The following PRKN variants were observed in gnomAD, a reference collection of about 807,000 sequenced individuals.
PRKN encodes parkin RBR E3 ubiquitin protein ligase, also known as E3 ubiquitin-protein ligase parkin.
Under a neutral mutation model 59.5 loss-of-function variants are expected in PRKN, and 56 were observed. The ratio of observed to expected loss-of-function variants is 0.94; its 90% CI spans 0.76 to 1.18. The LOEUF is 1.18. Ranked by LOEUF, PRKN falls within the 50% of genes most tolerant of loss-of-function variation. The pLI, the probability that PRKN is intolerant of heterozygous loss-of-function variation, is 0.00. For missense variants in PRKN, 657 were observed against 596.4 expected (o/e 1.10, Z -1.06); for synonymous variants, 250 against 222.1 (o/e 1.13, Z -1.12).
chr6:162,563,696 TAA>T (rs1158635639), intron 1 of PRKN, among the ~76,000 whole-genome samples: 1 of 152,158 alleles, frequency 6.6e-6, no homozygotes, highest in Non-Finnish European at 1.5e-5. Flanking sequence ...CAATCCTGGA[TAA>T]ATAGAGCTAT....
In PRKN at chr6:161,879,932, T is replaced by C. The variant is rs546737686; in HGVS notation, c.734+93370A>G. On this transcript the variant is annotated intron_variant, in intron 6 of 11. Transcript: ENST00000366898. ...CCATTTTCTTCTATTTTCTACACTT[T>C]AGGCATATGCACATTAGAAGTAGAT... Among the ~76,000 whole-genome samples the C allele has an allele frequency of 8.4e-4, 128 of 152,310 alleles. 2 individuals are homozygous for C. The highest frequency in any genetic ancestry group is 2.9e-3 in the African/African-American group (119 of 41,562).
In PRKN at chr6:162,704,039, G is replaced by A. The variant is rs77192417; in HGVS notation, c.7+23623C>T. 6.2e-3 allele frequency among the ~76,000 whole-genome samples: 947 copies of A among 152,286 alleles called. 16 individuals carry two copies. The highest frequency in any genetic ancestry group is 0.022 in the African/African-American group (919 of 41,576). On this transcript the variant is annotated intron_variant, in intron 1 of 11. Coordinates refer to ENST00000366898, the MANE Select transcript of PRKN (RefSeq NM_004562.3). ...GCCTTAGCTAAGAGACACAGGTGCA[G>A]GAGATGCACAATTTGGACACTTAGA... is the stretch of plus-strand genomic sequence containing the variant.
At chr6:161,715,127 C>A (rs11962721) in intron 7 of PRKN, among the ~76,000 whole-genome samples, 1 of 152,064 alleles carries the variant, frequency 6.6e-6, no homozygotes, top group Non-Finnish European at 1.5e-5. Flanking sequence ...GTTTTTATAA[C>A]GAAAATGTGC....
At chr6:162,695,429 A>G (rs1222828221) in intron 1 of PRKN, among the ~76,000 whole-genome samples, 1 of 152,174 alleles carries the variant, frequency 6.6e-6, no homozygotes, top group Non-Finnish European at 1.5e-5. Context: ...CTACTAAAAT[A>G]TTACTAAATT....
At chr6:162,550,016 C>G (rs552717961) in intron 1 of PRKN, among the ~76,000 whole-genome samples, 3 of 152,074 alleles carry the variant, frequency 2.0e-5, no homozygotes, top group Admixed American at 6.6e-5. Flanking sequence ...TATGTCTCAC[C>G]GTTTGTCTGG....
chr6:161,448,362 C>T lies in PRKN; in HGVS notation c.1084-61485G>A, dbSNP rs771783201. 2.0e-5 allele frequency among the ~76,000 whole-genome samples: 3 copies of T among 152,106 alleles called. No individual in the cohort carries two copies. The highest frequency in any genetic ancestry group is 2.1e-4 in the South Asian group (1 of 4,822). On this transcript the variant is annotated intron_variant, in intron 9 of 11. Transcript: ENST00000366898. The surrounding 1 kb of genome is among the most constrained non-coding windows in gnomAD (Gnocchi z 5.1). Reference sequence around the variant, plus strand: ...ATGGACATATACACATGCATATACACGTATGTGTACATACACATATGTAAT... The same window carrying T: ...ATGGACATATACACATGCATATACATGTATGTGTACATACACATATGTAAT...
intron 9 of PRKN, among the ~76,000 whole-genome samples, chr6:161,453,947 A>G (rs6921904): frequency 0.13 from 19,741 of 151,916 alleles, 1,594 homozygotes; most frequent in African/African-American, 0.21. Context: ...TTTTTATTTA[A>G]TGAGATGAGG....
intron 7 of PRKN, among the ~76,000 whole-genome samples, chr6:161,570,377 A>C (rs989896679): frequency 6.8e-6 from 1 of 148,122 alleles, no homozygotes; most frequent in African/African-American, 2.5e-5. Flanking sequence ...TATAATAAAT[A>C]TTCTATGTAA....
rs1351797355 is a variant in PRKN at position 161,361,974 on chromosome 6, C to T, written c.1168-1769G>A. Among the ~76,000 whole-genome samples, 1 of 152,124 alleles carries T rather than the reference C, an allele frequency of 6.6e-6. No homozygotes were observed. Among genetic ancestry groups the T allele is most frequent in the Admixed American group, 6.5e-5 (1 of 15,274 alleles). ...GACACGTGGCAAACACCCATCCCCC[C>T]ACCGACCTGCACCCCAACGCCACCC... On this transcript the variant is annotated intron_variant, in intron 10 of 11. Coordinates refer to ENST00000366898, the MANE Select transcript of PRKN (RefSeq NM_004562.3). The surrounding 1 kb of genome is among the most constrained non-coding windows in gnomAD (Gnocchi z 5.2).
chr6:162,173,983 T>G (rs941015147), intron 4 of PRKN, among the ~76,000 whole-genome samples: 1 of 152,180 alleles, frequency 6.6e-6, no homozygotes, highest in Admixed American at 6.5e-5. Context: ...TGTGCTGACA[T>G]GTCAGTTTTC....
chr6:162,400,169 T>C (rs1328738162), intron 2 of PRKN, among the ~76,000 whole-genome samples: 1 of 151,410 alleles, frequency 6.6e-6, no homozygotes, highest in African/African-American at 2.4e-5. Flanking sequence ...ATTGTGCCAC[T>C]GCACTCCAGC....
In PRKN at chr6:162,262,697, C is replaced by A. The variant is rs1378447280; in HGVS notation, c.240G>T (p.Met80Ile). 6.2e-7 allele frequency: 1 copy of A among 1,607,654 alleles called. No individual in the cohort carries two copies. Among genetic ancestry groups the A allele is most frequent in the South Asian group, 1.1e-5 (1 of 90,854 alleles). ...TGGGGTCGTCGCCTCCAGTTGCATTCATTTCTTGACCTTTTCTCCACGGTC... is the reference window on the plus strand; with the variant it reads ...TGGGGTCGTCGCCTCCAGTTGCATTAATTTCTTGACCTTTTCTCCACGGTC... The part of the protein sequence containing the change: ...VQRPWRKGQE[M>I]NATGGDDPRN... Residue 80 changes from methionine to isoleucine, a missense_variant, in exon 3 of 12, where the codon ATG becomes ATT. Met to Ile is a conservative substitution (Grantham distance 10). Transcript: ENST00000366898.
rs779477221 is a variant in PRKN, at chr6:161,377,400, G to A, written c.1167+9394C>T. Among the ~76,000 whole-genome samples the A allele has an allele frequency of 3.3e-5, 5 of 152,246 alleles. No individual in the cohort carries two copies. The highest frequency in any genetic ancestry group is 5.9e-5 in the Non-Finnish European group (4 of 68,042). On this transcript the variant is annotated intron_variant, in intron 10 of 11. Coordinates refer to ENST00000366898, the MANE Select transcript of PRKN (RefSeq NM_004562.3). This position sits in a 1 kb window ranked among gnomAD's most constrained non-coding sequence, Gnocchi z 4.2. ...CTTGGGCTCACAACCATGGCCCCAC[G>A]GTGGTAGTGGCCGGGCTGGGGAGAT... is the stretch of plus-strand genomic sequence containing the variant.
chr6:162,374,527 ATTTAT>A (rs983603243), intron 2 of PRKN, among the ~76,000 whole-genome samples: 7 of 150,578 alleles, frequency 4.6e-5, no homozygotes, highest in African/African-American at 1.7e-4. Context: ...TTTATGTTTT[ATTTAT>A]TTATTTGTTT....
intron 6 of PRKN, among the ~76,000 whole-genome samples, chr6:161,838,300 G>A (rs1397467987): frequency 1.3e-5 from 2 of 152,210 alleles, no homozygotes; most frequent in Non-Finnish European, 2.9e-5. Context: ...CAGGGCAATT[G>A]TGAAAACTCA....
chr6:162,336,399 C>T (rs565185809), intron 2 of PRKN, among the ~76,000 whole-genome samples: 16 of 152,090 alleles, frequency 1.1e-4, no homozygotes, highest in African/African-American at 3.6e-4. Context: ...TGGAGAGCAC[C>T]GTATCCACAC....
At chr6:162,488,399 C>T (rs942496928) in intron 1 of PRKN, among the ~76,000 whole-genome samples, 1 of 152,158 alleles carries the variant, frequency 6.6e-6, no homozygotes, top group African/African-American at 2.4e-5. Flanking sequence ...TGCATGGTCT[C>T]CACAAATCCA....
chr6:162,380,454 TAC>T (rs1554309889), intron 2 of PRKN, among the ~76,000 whole-genome samples: 1 of 86,266 alleles, frequency 1.2e-5, no homozygotes, highest in Non-Finnish European at 2.0e-5. Flanking sequence ...TATGTATATA[TAC>T]ACACATATAT....
rs891278271 is a variant in PRKN, at chr6:161,544,287, G to A, written c.1083+4567C>T. Among the ~76,000 whole-genome samples, 4 of 152,052 alleles carry A rather than the reference G, an allele frequency of 2.6e-5. No homozygotes were observed. The highest frequency in any genetic ancestry group is 2.0e-4 in the Admixed American group (3 of 15,266). Reference sequence around the variant, plus strand: ...CTTTTTGTGGATCCCTGAACATAGTGTTATTTTGGTTTTCTGAATTATATA... The same window carrying A: ...CTTTTTGTGGATCCCTGAACATAGTATTATTTTGGTTTTCTGAATTATATA... On this transcript the variant is annotated intron_variant, in intron 9 of 11. Transcript: ENST00000366898. This position sits in a 1 kb window ranked among gnomAD's most constrained non-coding sequence, Gnocchi z 5.5.
Sources: allele counts gnomAD v4.1 joint callset (sites outside exome capture counted in the v4.1 genomes callset), GRCh38; gene constraint gnomAD v4.1.1; non-coding constraint Gnocchi (gnomAD v3.1); transcripts MANE v1.5; gene names NCBI Gene and HGNC (gene_info 2026-07-23, HGNC 2026-07-21).